AIG1: variants seen among roughly 807,000 people sequenced by gnomAD.
AIG1 encodes androgen induced 1.
AIG1 carries 23 observed loss-of-function variants against 31.4 expected under a neutral mutation model. The observed-to-expected ratio is 0.73, with a 90% CI of 0.53 to 1.04. AIG1 has a LOEUF of 1.04. Among genes scored for constraint, AIG1 ranks in the 50% least tolerant of loss-of-function variants. The probability of loss-of-function intolerance (pLI) is 0.00; values close to 1 mark genes in which losing one functional copy is unlikely to be tolerated. For missense variants in AIG1, 274 were observed against 295.0 expected (o/e 0.93, Z 0.52); for synonymous variants, 100 against 110.5 (o/e 0.90, Z 0.60).
chr6:143,131,972 A>G (rs1320984256), intron 1 of AIG1, among the ~76,000 whole-genome samples: 1 of 152,224 alleles, frequency 6.6e-6, no homozygotes. Flanking sequence ...ATGCATATTT[A>G]ACTTATCACA....
intron 1 of AIG1, among the ~76,000 whole-genome samples, chr6:143,135,914 G>C (rs1783684717): frequency 6.6e-6 from 1 of 152,104 alleles, no homozygotes; most frequent in Non-Finnish European, 1.5e-5. Context: ...ATCTATCCTT[G>C]GTGCTAATTG....
chr6:143,086,286 T>A (rs1049498135), intron 1 of AIG1, among the ~76,000 whole-genome samples: 7 of 152,226 alleles, frequency 4.6e-5, no homozygotes, highest in African/African-American at 1.7e-4. Flanking sequence ...TTATCAATTA[T>A]AGGTTTTAAA....
rs1275808406 is a variant in AIG1 at position 143,299,839 on chromosome 6, T to C, written c.515+15614T>C. 5.9e-5 allele frequency among the ~76,000 whole-genome samples: 9 copies of C among 152,208 alleles called. No homozygotes were observed. Among genetic ancestry groups the C allele is most frequent in the African/African-American group, 2.2e-4 (9 of 41,464 alleles). On this transcript the variant is annotated intron_variant, in intron 4 of 5. Coordinates refer to ENST00000357847, the MANE Select transcript of AIG1 (RefSeq NM_016108.4). The surrounding 1 kb of genome is among the most constrained non-coding windows in gnomAD (Gnocchi z 4.1). The stretch of plus-strand genomic sequence containing the variant: ...AATTTCCTTCCAGGTCTCACTGCCA[T>C]TCCCAATCTAACCTTGAGTCTGAGA...
chr6:143,313,566 G>C (rs1480324724), intron 4 of AIG1, among the ~76,000 whole-genome samples: 1 of 151,984 alleles, frequency 6.6e-6, no homozygotes, highest in Non-Finnish European at 1.5e-5. Context: ...AAAAGTTAAT[G>C]GTGGCAATGA....
chr6:143,255,337 G>A (rs747851053), intron 3 of AIG1, among the ~76,000 whole-genome samples: 1 of 152,202 alleles, frequency 6.6e-6, no homozygotes, highest in Non-Finnish European at 1.5e-5. Context: ...CGTATCTGGA[G>A]GCTGGAAGCC....
chr6:143,324,994 G>A (rs933175416), intron 4 of AIG1, among the ~76,000 whole-genome samples: 17 of 152,110 alleles, frequency 1.1e-4, no homozygotes, highest in Non-Finnish European at 1.6e-4. Flanking sequence ...TTTTTCAACT[G>A]ACTATATATC....
intron 2 of AIG1, among the ~76,000 whole-genome samples, chr6:143,139,048 C>CT (rs1446779734): frequency 1.3e-5 from 2 of 152,082 alleles, no homozygotes; most frequent in African/African-American, 4.8e-5. Context: ...GGCATATGCC[C>CT]TTTAGACATT....
intron 3 of AIG1, among the ~76,000 whole-genome samples, chr6:143,266,917 G>A (rs1455618266): frequency 6.6e-6 from 1 of 152,112 alleles, no homozygotes; most frequent in Non-Finnish European, 1.5e-5. Flanking sequence ...CTCCAGCCTG[G>A]GTAAGAATTC....
intron 3 of AIG1, among the ~76,000 whole-genome samples, chr6:143,277,659 C>A (rs1169344467): frequency 6.6e-6 from 1 of 152,160 alleles, no homozygotes; most frequent in Non-Finnish European, 1.5e-5. Flanking sequence ...CTACAGGTGC[C>A]AGTAGCGGAC....
chr6:143,118,975 T>C (rs983743171), intron 1 of AIG1, among the ~76,000 whole-genome samples: 3 of 151,840 alleles, frequency 2.0e-5, no homozygotes, highest in African/African-American at 7.3e-5. Context: ...CTGGGCTCAA[T>C]TGATCCTCCT....
intron 1 of AIG1, among the ~76,000 whole-genome samples, chr6:143,116,496 G>A (rs1005733520): frequency 1.3e-5 from 2 of 151,908 alleles, no homozygotes; most frequent in Non-Finnish European, 2.9e-5. Context: ...GATTCAGTGG[G>A]GGTGACGAAG....
rs2128723524 is a variant in AIG1, at chr6:143,333,001, AAT to A, written c.516-280_516-279del. On this transcript the variant is annotated intron_variant, in intron 4 of 5. Coordinates refer to ENST00000357847, the MANE Select transcript of AIG1 (RefSeq NM_016108.4). This position sits in a 1 kb window ranked among gnomAD's most constrained non-coding sequence, Gnocchi z 4.6. ...ACTGTCATATCAATGTTAATTTTTTAATTTTAGTCAATTGTCCCAGGATTATA... is the reference window on the plus strand; with the variant it reads ...ACTGTCATATCAATGTTAATTTTTTATTTAGTCAATTGTCCCAGGATTATA... 6.6e-6 allele frequency among the ~76,000 whole-genome samples: 1 copy of A among 152,292 alleles called. No homozygotes were observed. Among genetic ancestry groups the A allele is most frequent in the Admixed American group, 6.5e-5 (1 of 15,292 alleles).
At chr6:143,098,755 T>G (rs922456943) in intron 1 of AIG1, among the ~76,000 whole-genome samples, 2 of 152,230 alleles carry the variant, frequency 1.3e-5, no homozygotes, top group East Asian at 3.9e-4. Context: ...CCAAGACTTT[T>G]GTGTTGTACA....
rs146162041 is a variant in AIG1, at chr6:143,098,074, A to G, written c.141+37008A>G. Among the ~76,000 whole-genome samples, 81 of 152,306 alleles carry G rather than the reference A, an allele frequency of 5.3e-4. 1 individual carries two copies. The East Asian group carries it at 0.015, about 28-fold the overall frequency. On this transcript the variant is annotated intron_variant, in intron 1 of 5. Transcript: ENST00000357847. Reference sequence around the variant, plus strand: ...TCTCTCATCTTACACGAAACAAGACAAAATAAAATTTGTCTTTGTCTTAAA... The same window carrying G: ...TCTCTCATCTTACACGAAACAAGACGAAATAAAATTTGTCTTTGTCTTAAA...
chr6:143,227,321 C>G (rs1057412157), intron 3 of AIG1, among the ~76,000 whole-genome samples: 4 of 152,116 alleles, frequency 2.6e-5, no homozygotes, highest in South Asian at 2.1e-4. Flanking sequence ...CAGCAGGGTC[C>G]TGTGTGGAGT....
chr6:143,067,571 T>G (rs2128458794), intron 1 of AIG1, among the ~76,000 whole-genome samples: 1 of 152,334 alleles, frequency 6.6e-6, no homozygotes, highest in African/African-American at 2.4e-5. Flanking sequence ...GCTGCTTAAG[T>G]ATACTACATT....
intron 3 of AIG1, among the ~76,000 whole-genome samples, chr6:143,228,341 G>A (rs191979900): frequency 6.6e-6 from 1 of 152,290 alleles, no homozygotes. Context: ...GCCCACCTCT[G>A]ACCAGTCAGT....
chr6:143,123,808 A>G (rs1387015056), intron 1 of AIG1, among the ~76,000 whole-genome samples: 2 of 152,250 alleles, frequency 1.3e-5, no homozygotes, highest in Non-Finnish European at 2.9e-5. Flanking sequence ...ACCTTCAGCC[A>G]TTCACTGTAG....
chr6:143,133,710 A>C (rs1783477317), intron 1 of AIG1, among the ~76,000 whole-genome samples: 1 of 152,084 alleles, frequency 6.6e-6, no homozygotes, highest in Non-Finnish European at 1.5e-5. Flanking sequence ...GTGAAGGCAA[A>C]CCTGGTCCAG....
Sources: gnomAD v4.1 joint callset for allele counts (sites outside exome capture counted in the v4.1 genomes callset) on GRCh38, gnomAD v4.1.1 for gene constraint, Gnocchi (gnomAD v3.1) non-coding constraint, MANE v1.5 for transcripts, NCBI Gene and HGNC (gene_info 2026-07-23, HGNC 2026-07-21) for gene names.